Variants in NEGR1 observed in about 807,000 individuals in gnomAD.
NEGR1 encodes the protein neuronal growth regulator 1.
NEGR1 carries 10 observed loss-of-function variants against 40.9 expected under a neutral mutation model. That is an observed-to-expected ratio of 0.24 (90% CI 0.15 to 0.42). The LOEUF is 0.42. Among genes scored for constraint, NEGR1 ranks in the 10% least tolerant of loss-of-function variants. The probability of loss-of-function intolerance (pLI) is 1.00; values close to 1 mark genes in which losing one functional copy is unlikely to be tolerated. For missense variants in NEGR1, 352 were observed against 438.9 expected, an observed-to-expected ratio of 0.80 and a Z score of 1.77; for synonymous variants, 185 against 166.8, an observed-to-expected ratio of 1.11 and a Z score of -0.84.
chr1:71,674,447 C>T (rs1652540317), intron 4 of NEGR1, among the ~76,000 whole-genome samples: 1 of 152,180 alleles, frequency 6.6e-6, no homozygotes, highest in Non-Finnish European at 1.5e-5. Context: ...CTATTCCTTT[C>T]TCATAAAAGA....
At chr1:72,062,725 T>C (rs1477759135) in intron 1 of NEGR1, among the ~76,000 whole-genome samples, 1 of 151,954 alleles carries the variant, frequency 6.6e-6, no homozygotes, top group African/African-American at 2.4e-5. Flanking sequence ...TAGCTGGTAC[T>C]CCAGCATCTG....
At chr1:71,536,724 G>A (rs1024628882) in intron 6 of NEGR1, among the ~76,000 whole-genome samples, 1 of 151,676 alleles carries the variant, frequency 6.6e-6, no homozygotes, top group African/African-American at 2.4e-5. Flanking sequence ...TATAGATCAA[G>A]ATCTTAAAAT....
intron 1 of NEGR1, among the ~76,000 whole-genome samples, chr1:71,979,251 T>C (rs976023314): frequency 5.9e-5 from 9 of 152,160 alleles, no homozygotes; most frequent in African/African-American, 1.9e-4. Context: ...AAAATAACTA[T>C]TGCGTACTAG....
Position 71,965,190 on chromosome 1 carries a change from G to A in NEGR1, c.177-29879C>T, listed in dbSNP as rs576196361. ...TTTACAATTTCTCATATGAAGACTT[G>A]ATCCTGGAAGCAGAAGCAGCTAACT... is the stretch of plus-strand genomic sequence containing the variant. On this transcript the variant is annotated intron_variant, in intron 1 of 6. Coordinates refer to ENST00000357731, the MANE Select transcript of NEGR1 (RefSeq NM_173808.3). 2.6e-5 allele frequency among the ~76,000 whole-genome samples: 4 copies of A among 152,170 alleles called. No homozygotes were observed. The East Asian group carries it at 7.7e-4, about 29-fold the overall frequency.
At chr1:71,538,884 G>C (rs1438674676) in intron 6 of NEGR1, among the ~76,000 whole-genome samples, 1 of 151,658 alleles carries the variant, frequency 6.6e-6, no homozygotes, top group Admixed American at 6.6e-5. Context: ...CCCATCTGGT[G>C]ATCTTAGGTG....
chr1:71,907,538 A>G (rs1227011168), intron 2 of NEGR1, among the ~76,000 whole-genome samples: 1 of 152,170 alleles, frequency 6.6e-6, no homozygotes, highest in African/African-American at 2.4e-5. Context: ...GGAGGAAAGG[A>G]AACACTAATA....
At chr1:72,142,206 A>C (rs1402340311) in intron 1 of NEGR1, among the ~76,000 whole-genome samples, 1 of 151,840 alleles carries the variant, frequency 6.6e-6, no homozygotes, top group East Asian at 1.9e-4. Flanking sequence ...TTTATAATTT[A>C]ATGCTTCGTT....
At chr1:72,073,296 C>G (rs146307995) in intron 1 of NEGR1, among the ~76,000 whole-genome samples, 1 of 152,170 alleles carries the variant, frequency 6.6e-6, no homozygotes, top group Non-Finnish European at 1.5e-5. Context: ...TGGGCTGACA[C>G]TAAGGGCCAT....
chr1:71,946,607 T>A (rs994604905), intron 1 of NEGR1, among the ~76,000 whole-genome samples: 24 of 152,278 alleles, frequency 1.6e-4, no homozygotes, highest in African/African-American at 5.8e-4. Context: ...GATATTATTC[T>A]ACTTATCCCT....
intron 6 of NEGR1, among the ~76,000 whole-genome samples, chr1:71,453,556 G>A (rs968658247): frequency 6.6e-6 from 1 of 152,034 alleles, no homozygotes; most frequent in Non-Finnish European, 1.5e-5. Context: ...TGCCAAGACG[G>A]GCGAGAAATA....
intron 2 of NEGR1, among the ~76,000 whole-genome samples, chr1:71,831,290 T>C (rs901077022): frequency 6.6e-6 from 1 of 151,860 alleles, no homozygotes; most frequent in African/African-American, 2.4e-5. Flanking sequence ...GGGAATACAA[T>C]GTGGTTTCTG....
chr1:71,406,684 A>T lies in NEGR1; in HGVS notation c.*762T>A, dbSNP rs1434204461. Reference sequence around the variant, plus strand: ...AACCCCATTGTCAGTGCAGGAAGAGATTTTTACAGTCCAATAGCTCCTTCG... The same window carrying T: ...AACCCCATTGTCAGTGCAGGAAGAGTTTTTTACAGTCCAATAGCTCCTTCG... On this transcript the variant is annotated 3_prime_UTR_variant, in exon 7 of 7. Coordinates refer to ENST00000357731, the MANE Select transcript of NEGR1 (RefSeq NM_173808.3). 6.6e-6 allele frequency: 1 copy of T among 152,500 alleles called. No individual in the cohort carries two copies. Among genetic ancestry groups the T allele is most frequent in the Admixed American group, 6.6e-5 (1 of 15,222 alleles). 9.4% of individuals were successfully genotyped at this position (152,500 alleles called of 1,614,324 possible).
intron 6 of NEGR1, among the ~76,000 whole-genome samples, chr1:71,424,375 T>C (rs1392936835): frequency 6.6e-6 from 1 of 152,240 alleles, no homozygotes; most frequent in Non-Finnish European, 1.5e-5. Context: ...AGTATGTACC[T>C]GTGCACAGAA....
At chr1:71,681,085 A>G (rs2101610152) in intron 4 of NEGR1, among the ~76,000 whole-genome samples, 1 of 152,372 alleles carries the variant, frequency 6.6e-6, no homozygotes, top group Non-Finnish European at 1.5e-5. Flanking sequence ...TTGCATATTA[A>G]CATACACATC....
intron 2 of NEGR1, among the ~76,000 whole-genome samples, chr1:71,900,718 C>T (rs1034179065): frequency 2.0e-5 from 3 of 152,098 alleles, no homozygotes; most frequent in African/African-American, 7.2e-5. Flanking sequence ...ATGATAGATG[C>T]TAGAAATGGA....
chr1:72,166,060 C>T (rs960065831), intron 1 of NEGR1, among the ~76,000 whole-genome samples: 2 of 152,032 alleles, frequency 1.3e-5, no homozygotes, highest in African/African-American at 2.4e-5. Context: ...GACCGGGCAC[C>T]TCTTTCTCTA....
At chr1:71,572,228 A>T (rs1648831737) in intron 6 of NEGR1, among the ~76,000 whole-genome samples, 1 of 152,170 alleles carries the variant, frequency 6.6e-6, no homozygotes, top group Middle Eastern at 3.2e-3. Flanking sequence ...TACAGAAATT[A>T]CCCATTAGTC....
chr1:71,508,977 C>T (rs770720099), intron 6 of NEGR1, among the ~76,000 whole-genome samples: 8 of 152,308 alleles, frequency 5.3e-5, no homozygotes, highest in Non-Finnish European at 1.0e-4. Flanking sequence ...CTCAACCTCC[C>T]ATTTGCCTGG....
chr1:71,587,298 G>A (rs750734414), intron 6 of NEGR1, among the ~76,000 whole-genome samples: 2 of 152,018 alleles, frequency 1.3e-5, no homozygotes, highest in African/African-American at 2.4e-5. Flanking sequence ...CGCTTGCATC[G>A]GTTGAATCTA....
Sources: gnomAD v4.1 joint callset for allele counts (sites outside exome capture counted in the v4.1 genomes callset) on GRCh38, gnomAD v4.1.1 for gene constraint, MANE v1.5 for transcripts, NCBI Gene and HGNC (gene_info 2026-07-23, HGNC 2026-07-21) for gene names.